LYPD6B: variants seen among roughly 807,000 people sequenced by gnomAD.
LYPD6B encodes the protein LY6/PLAUR domain containing 6B.
In LYPD6B, 17 loss-of-function variants were observed where a neutral mutation model predicts 22.8. The ratio of observed to expected loss-of-function variants is 0.75; its 90% CI spans 0.51 to 1.12. The LOEUF is 1.12. Ranked by LOEUF, LYPD6B falls within the 50% of genes most tolerant of loss-of-function variation. The pLI is 0.00. For synonymous variants in LYPD6B, 106 were observed against 91.6 expected, an observed-to-expected ratio of 1.16 and a Z score of -0.90; for missense variants, 221 against 258.3, an observed-to-expected ratio of 0.86 and a Z score of 0.99.
chr2:149,096,461 C>T (rs577907978), intron 1 of LYPD6B, among the ~76,000 whole-genome samples: 15 of 152,248 alleles, frequency 9.9e-5, no homozygotes, highest in African/African-American at 3.4e-4. Flanking sequence ...AGCAAATATA[C>T]CCTATGGGTT....
At chr2:149,214,481 T>G in intron 6 of LYPD6B, 65 bp from the exon 7 acceptor site, 1 of 1,532,778 alleles carries the variant, frequency 6.5e-7, no homozygotes, top group South Asian at 1.2e-5. Flanking sequence ...GTTTTATCTT[T>G]CTTTCTTTTG....
intron 3 of LYPD6B, among the ~76,000 whole-genome samples, chr2:149,192,663 T>A (rs78359367): frequency 1.3e-5 from 2 of 152,188 alleles, no homozygotes; most frequent in East Asian, 3.9e-4. Flanking sequence ...CTCACAGGGA[T>A]GTGGAGAGGA....
chr2:149,212,220 C>CAA (rs933016289), intron 5 of LYPD6B, among the ~76,000 whole-genome samples: 12 of 139,886 alleles, frequency 8.6e-5, no homozygotes, highest in African/African-American at 3.1e-4. Context: ...TACTAAAAAT[C>CAA]AAAAAAAAAA....
At chr2:149,108,071 A>C (rs1395373192) in intron 1 of LYPD6B, among the ~76,000 whole-genome samples, 1 of 152,148 alleles carries the variant, frequency 6.6e-6, no homozygotes, top group Non-Finnish European at 1.5e-5. Flanking sequence ...TGTGGGAGGT[A>C]ATTGAATCAT....
chr2:149,213,666 G>T (rs1292900459), intron 6 of LYPD6B, among the ~76,000 whole-genome samples: 1 of 152,180 alleles, frequency 6.6e-6, no homozygotes, highest in Non-Finnish European at 1.5e-5. Context: ...GATTTACCCT[G>T]TAATAAGTAC....
At chr2:149,132,816 C>T (rs12618026) in intron 2 of LYPD6B, among the ~76,000 whole-genome samples, 1 of 152,174 alleles carries the variant, frequency 6.6e-6, no homozygotes, top group Non-Finnish European at 1.5e-5. Flanking sequence ...ACACAGAATT[C>T]TGAGACTTAG....
Position 149,214,816 on chromosome 2 carries a change from G to C in LYPD6B, c.*106G>C. On this transcript the variant is annotated 3_prime_UTR_variant, in exon 7 of 7. Coordinates refer to ENST00000409642, the MANE Select transcript of LYPD6B (RefSeq NM_177964.5). ...AGATCAATCTTGCACTTGGTGAAGA[G>C]TGCACATTGGACCTCAAGGCGAAAG... 2 of 1,202,846 alleles carry C rather than the reference G, an allele frequency of 1.7e-6. No homozygotes were observed. The highest frequency in any genetic ancestry group is 2.7e-5 in the South Asian group (2 of 75,454). The allele number at this position is 1,202,846 out of a possible 1,614,324, so 74.5% of individuals were successfully genotyped here.
chr2:149,091,721 C>T (rs570337398), intron 1 of LYPD6B, among the ~76,000 whole-genome samples: 2 of 152,022 alleles, frequency 1.3e-5, no homozygotes, highest in South Asian at 4.1e-4. Flanking sequence ...ATCCATCATT[C>T]CACCCATAAA....
chr2:149,178,559 G>A (rs1257865371), intron 3 of LYPD6B, among the ~76,000 whole-genome samples: 1 of 152,182 alleles, frequency 6.6e-6, no homozygotes, highest in Admixed American at 6.5e-5. Context: ...AAAGTCAAGG[G>A]ACTCTGCATC....
intron 2 of LYPD6B, among the ~76,000 whole-genome samples, chr2:149,138,793 C>G (rs1688516625): frequency 6.6e-6 from 1 of 152,176 alleles, no homozygotes; most frequent in South Asian, 2.1e-4. Context: ...AGCAATCCTC[C>G]TACCTTGGCC....
intron 1 of LYPD6B, among the ~76,000 whole-genome samples, chr2:149,048,820 T>C (rs771199465): frequency 1.6e-4 from 25 of 152,218 alleles, no homozygotes; most frequent in South Asian, 8.3e-4. Context: ...AATACTGGTG[T>C]CGTTTCCCTT....
At chr2:149,189,944 A>G (rs1052530775) in intron 3 of LYPD6B, among the ~76,000 whole-genome samples, 4 of 152,236 alleles carry the variant, frequency 2.6e-5, no homozygotes, top group Non-Finnish European at 5.9e-5. Context: ...AGCTTTAACC[A>G]TAAACTATAG....
chr2:149,144,577 A>G (rs949292109), intron 2 of LYPD6B, among the ~76,000 whole-genome samples: 1 of 152,138 alleles, frequency 6.6e-6, no homozygotes, highest in African/African-American at 2.4e-5. Flanking sequence ...TTTTTAGTAC[A>G]GACAAGGTTT....
intron 1 of LYPD6B, among the ~76,000 whole-genome samples, chr2:149,129,636 G>A (rs1334329866): frequency 6.6e-6 from 1 of 152,226 alleles, no homozygotes; most frequent in South Asian, 2.1e-4. Flanking sequence ...GGAGGAAGTG[G>A]TGAGGAGTTC....
chr2:149,086,489 G>A (rs1181582767), intron 1 of LYPD6B, among the ~76,000 whole-genome samples: 1 of 152,160 alleles, frequency 6.6e-6, no homozygotes, highest in African/African-American at 2.4e-5. Flanking sequence ...TTTAAATCTG[G>A]TGCTACTCTC....
chr2:149,208,083 T>G (rs1284995044), intron 4 of LYPD6B, among the ~76,000 whole-genome samples: 1 of 152,166 alleles, frequency 6.6e-6, no homozygotes, highest in East Asian at 1.9e-4. Flanking sequence ...TGGGACCACT[T>G]TCATCACTCT....
At chr2:149,203,197 A>G (rs1272008761) in intron 3 of LYPD6B, among the ~76,000 whole-genome samples, 1 of 152,194 alleles carries the variant, frequency 6.6e-6, no homozygotes, top group Non-Finnish European at 1.5e-5. Flanking sequence ...GGAAGCCAAG[A>G]CTTGGAAACC....
chr2:149,044,451 T>A (rs13030154), intron 1 of LYPD6B, among the ~76,000 whole-genome samples: 53,994 of 151,934 alleles, frequency 0.36, 9,993 homozygotes, highest in East Asian at 0.69. Context: ...GTGGCCTTGC[T>A]AAAGTTACTC....
At chr2:149,117,584 A>G (rs1687070415) in intron 1 of LYPD6B, among the ~76,000 whole-genome samples, 1 of 152,090 alleles carries the variant, frequency 6.6e-6, no homozygotes, top group Admixed American at 6.6e-5. Flanking sequence ...GGATTTGTCA[A>G]TGTGTGAAGT....
Sources: gnomAD v4.1 joint callset for allele counts (sites outside exome capture counted in the v4.1 genomes callset) on GRCh38, gnomAD v4.1.1 for gene constraint, MANE v1.5 for transcripts, NCBI Gene and HGNC (gene_info 2026-07-23, HGNC 2026-07-21) for gene names.